Variants in CALHM4 observed in about 807,000 individuals in gnomAD.
CALHM4 encodes the protein calcium homeostasis modulator family member 4.
In CALHM4, 16 loss-of-function variants were observed where a neutral mutation model predicts 13.3. The ratio of observed to expected loss-of-function variants is 1.20; its 90% CI spans 0.81 to 1.82. The LOEUF is 1.82. Ranked by LOEUF, CALHM4 falls within the 40% of genes most tolerant of loss-of-function variation. CALHM4 has a pLI of 0.00. For missense variants in CALHM4, 344 were observed against 374.9 expected (o/e 0.92, Z 0.68); for synonymous variants, 127 against 137.1 (o/e 0.93, Z 0.52).
chr6:116,529,364 A>T (rs985784256), intron 1 of CALHM4, among the ~76,000 whole-genome samples: 7 of 151,962 alleles, frequency 4.6e-5, no homozygotes, highest in Non-Finnish European at 7.3e-5. Flanking sequence ...GCGAGATATT[A>T]AAAAATTTTA....
intron 1 of CALHM4, among the ~76,000 whole-genome samples, chr6:116,555,652 T>C (rs1277992793): frequency 6.6e-6 from 1 of 152,204 alleles, no homozygotes; most frequent in East Asian, 1.9e-4. Context: ...AATTCAGGGC[T>C]AATAAACTGG....
intron 1 of CALHM4, among the ~76,000 whole-genome samples, chr6:116,530,989 C>T (rs185017760): frequency 1.6e-4 from 22 of 140,858 alleles, no homozygotes; most frequent in African/African-American, 5.6e-4. Flanking sequence ...TTGTCAATTA[C>T]TTTGCCCTGT....
chr6:116,558,046 C>T lies in CALHM4; in HGVS notation c.780C>T (p.Asp260=), dbSNP rs140477297. ...TTGGCTTCATTCCCGGGAGTGAAGA[C>T]GTCAAACACATCCGCATTCCTTCTT... The part of the protein sequence containing the change: ...KLFGFIPGSE[D]VKHIRIPSCQ... The change falls in exon 2 of 2, where the codon GAC becomes GAT. Residue 260 remains aspartate, a synonymous_variant. Transcript: ENST00000368596. The T allele has an allele frequency of 2.3e-4, 376 of 1,614,004 alleles. No homozygotes were observed. The highest frequency in any genetic ancestry group is 1.6e-4 in the Middle Eastern group (1 of 6,084).
chr6:116,536,140 C>G lies in CALHM4; in HGVS notation c.-109+6950C>G, dbSNP rs183135742. Among the ~76,000 whole-genome samples, 384 of 152,118 alleles carry G rather than the reference C, an allele frequency of 2.5e-3. 5 individuals carry two copies. The Middle Eastern group carries it at 0.048, about 19-fold the overall frequency. Reference sequence around the variant, plus strand: ...TATTTGTAGTTGTACTTTGAAGTAACTACTACAAAAAGTTAAGTTGTATAT... The same window carrying G: ...TATTTGTAGTTGTACTTTGAAGTAAGTACTACAAAAAGTTAAGTTGTATAT... On this transcript the variant is annotated intron_variant, in intron 1 of 2. Transcript: ENST00000368597.
intron 1 of CALHM4, 150 bp from the exon 2 acceptor site, chr6:116,557,675 G>A: frequency 1.3e-6 from 1 of 789,032 alleles, no homozygotes; most frequent in Non-Finnish European, 2.0e-6. Flanking sequence ...CATATCATTA[G>A]CACGTTGTTG....
chr6:116,552,484 C>T (rs960099884), upstream of CALHM4, among the ~76,000 whole-genome samples: 1 of 152,116 alleles, frequency 6.6e-6, no homozygotes, highest in African/African-American at 2.4e-5. Context: ...AGAACTCCTA[C>T]TAGACAGATT....
rs1048095811 is a variant in CALHM4, at chr6:116,561,016, G to A, written c.*2805G>A. On this transcript the variant is annotated 3_prime_UTR_variant, in exon 2 of 2. Transcript: ENST00000368596. The stretch of plus-strand genomic sequence containing the variant: ...TTTTCCAAAGCTGAATTGTAGAACC[G>A]CATTTATACTCTGTCCTTCTCTGTG... Among the ~76,000 whole-genome samples the A allele has an allele frequency of 1.3e-5, 2 of 152,266 alleles. No individual in the cohort carries two copies. Among genetic ancestry groups the A allele is most frequent in the African/African-American group, 4.8e-5 (2 of 41,548 alleles).
Position 116,559,663 on chromosome 6 carries a change from G to A in CALHM4, c.*1452G>A, listed in dbSNP as rs190969227. ...AAATCAGTCCATCTCTCTGGACCCT[G>A]GATTTTTTTCATCTATACAATAAAA... On this transcript the variant is annotated 3_prime_UTR_variant, in exon 2 of 2. Coordinates refer to ENST00000368596, the MANE Select transcript of CALHM4 (RefSeq NM_001366078.2). Among the ~76,000 whole-genome samples, 1 of 152,036 alleles carries A rather than the reference G, an allele frequency of 6.6e-6. No homozygotes were observed. Among genetic ancestry groups the A allele is most frequent in the South Asian group, 2.1e-4 (1 of 4,808 alleles).
chr6:116,543,291 A>T, intron 1 of CALHM4: 3 of 1,535,862 alleles, frequency 2.0e-6, no homozygotes, highest in Non-Finnish European at 2.6e-6. Context: ...AGAATGAAGG[A>T]CTTCCACTTA....
intron 1 of CALHM4, among the ~76,000 whole-genome samples, chr6:116,530,849 A>G (rs999623842): frequency 7.5e-5 from 11 of 147,488 alleles, no homozygotes; most frequent in African/African-American, 2.7e-4. Flanking sequence ...AACAAACACC[A>G]GCATCAGTAA....
intron 1 of CALHM4, among the ~76,000 whole-genome samples, chr6:116,530,160 T>C (rs567605656): frequency 6.6e-6 from 1 of 151,304 alleles, no homozygotes; most frequent in South Asian, 2.1e-4. Context: ...GGAAGCCAAA[T>C]ATAATTAGAA....
chr6:116,557,287 GC>G (rs924899745), intron 1 of CALHM4, among the ~76,000 whole-genome samples: 56 of 152,170 alleles, frequency 3.7e-4, no homozygotes, highest in African/African-American at 1.3e-3. Flanking sequence ...TCACTGACTT[GC>G]TTTTTAGCTG....
At chr6:116,542,795 G>T (rs1242082298) in intron 1 of CALHM4, among the ~76,000 whole-genome samples, 1 of 152,044 alleles carries the variant, frequency 6.6e-6, no homozygotes, top group African/African-American at 2.4e-5. Flanking sequence ...CAATAAAAAT[G>T]CTATCTTAAA....
chr6:116,543,273 A>G, intron 1 of CALHM4: 1 of 1,498,448 alleles, frequency 6.7e-7, no homozygotes, highest in Non-Finnish European at 9.0e-7. Flanking sequence ...AACAACAGCC[A>G]TTCAATAAGA....
At chr6:116,539,583 G>C (rs1484818029) in intron 1 of CALHM4, among the ~76,000 whole-genome samples, 2 of 152,108 alleles carry the variant, frequency 1.3e-5, no homozygotes, top group Non-Finnish European at 2.9e-5. Context: ...GAAAGACAAA[G>C]AGTATGTAAA....
upstream of CALHM4, among the ~76,000 whole-genome samples, chr6:116,553,453 G>A (rs1422300265): frequency 6.6e-6 from 1 of 152,118 alleles, no homozygotes; most frequent in African/African-American, 2.4e-5. Context: ...TCTATTTGCT[G>A]GTGCTCAGCA....
chr6:116,535,779 G>A (rs889867091), intron 1 of CALHM4, among the ~76,000 whole-genome samples: 45 of 152,198 alleles, frequency 3.0e-4, no homozygotes, highest in African/African-American at 1.1e-3. Flanking sequence ...TACCATAGTA[G>A]AAAAATATCT....
rs140950706 is a variant in CALHM4, at chr6:116,560,462, C to A, written c.*2251C>A. On this transcript the variant is annotated 3_prime_UTR_variant, in exon 2 of 2. Coordinates refer to ENST00000368596, the MANE Select transcript of CALHM4 (RefSeq NM_001366078.2). ...TGATGTAAAAATTTTATATTTTGAG[C>A]CAGTTAATCATGATCTTCCCCTATA... Among the ~76,000 whole-genome samples, 279 of 152,196 alleles carry A rather than the reference C, an allele frequency of 1.8e-3. 1 individual carries two copies. The highest frequency in any genetic ancestry group is 6.3e-3 in the African/African-American group (261 of 41,514).
intron 2 of CALHM4, chr6:116,545,707 A>T (rs1029078713): frequency 2.4e-6 from 1 of 421,446 alleles, no homozygotes; most frequent in Non-Finnish European, 4.2e-6. Flanking sequence ...GAACAACAGG[A>T]TTGTCTTATA....
Sources: gnomAD v4.1 joint callset for allele counts (sites outside exome capture counted in the v4.1 genomes callset) on GRCh38, gnomAD v4.1.1 for gene constraint, MANE v1.5 for transcripts, NCBI Gene and HGNC (gene_info 2026-07-23, HGNC 2026-07-21) for gene names.